Variants in JAKMIP3 observed in about 807,000 individuals in gnomAD.
JAKMIP3 encodes janus kinase and microtubule-interacting protein 3.
A neutral mutation model predicts 118.5 loss-of-function variants in JAKMIP3; 58 were observed. That is an observed-to-expected ratio of 0.49 (90% CI 0.40 to 0.61). The LOEUF (loss-of-function observed/expected upper bound fraction) is 0.61. Ranked by LOEUF, JAKMIP3 falls within the 20% of genes least tolerant of loss-of-function variation. JAKMIP3 has a pLI of 0.00. For synonymous variants in JAKMIP3, 486 were observed against 451.2 expected, an observed-to-expected ratio of 1.08 and a Z score of -0.98; for missense variants, 950 against 1,109.0, an observed-to-expected ratio of 0.86 and a Z score of 2.04.
chr10:132,105,714 G>T (rs978403886), intron 2 of JAKMIP3, among the ~76,000 whole-genome samples: 2 of 152,222 alleles, frequency 1.3e-5, no homozygotes, highest in African/African-American at 4.8e-5. Context: ...GAAGGAGAAG[G>T]CGAGGGAGAG....
chr10:132,038,492 C>T (rs1334887559), intron 1 of JAKMIP3, among the ~76,000 whole-genome samples: 1 of 152,148 alleles, frequency 6.6e-6, no homozygotes, highest in African/African-American at 2.4e-5. Context: ...AAAGAAATAG[C>T]GATGATCAAA....
In JAKMIP3 at chr10:132,099,812, C is replaced by T. The variant is rs575920599; in HGVS notation, c.-137-4860C>T. Among the ~76,000 whole-genome samples the T allele has an allele frequency of 4.8e-4, 73 of 152,318 alleles. 1 individual carries two copies. The South Asian group carries it at 0.013, about 28-fold the overall frequency. On this transcript the variant is annotated intron_variant, in intron 1 of 23. Transcript: ENST00000684848. ...TTGTGGCTCAGGTGCGTGTCACGGA[C>T]GGCACGTTCCTCGGCACCCCAAACC...
chr10:132,102,527 G>A (rs1193643051), intron 1 of JAKMIP3, among the ~76,000 whole-genome samples: 1 of 152,224 alleles, frequency 6.6e-6, no homozygotes, highest in Non-Finnish European at 1.5e-5. Context: ...CCCCATCCAG[G>A]TGGAGGCCGG....
At chr10:132,130,425 G>A (rs572872864) in intron 3 of JAKMIP3, among the ~76,000 whole-genome samples, 15 of 152,356 alleles carry the variant, frequency 9.8e-5, no homozygotes, top group Admixed American at 2.0e-4. Flanking sequence ...AGGCGCATTC[G>A]TGTGCTCACG....
chr10:132,150,129 C>T (rs1265514622), intron 16 of JAKMIP3, 88 bp downstream of exon 16: 2 of 1,077,876 alleles, frequency 1.9e-6, no homozygotes, highest in South Asian at 1.4e-5. Flanking sequence ...CTGCCAGCCT[C>T]CCACAGCCCT....
rs1491470053 is a variant in JAKMIP3 at position 132,048,665 on chromosome 10, TTC to T, written c.-138+11929_-138+11930del. Among the ~76,000 whole-genome samples, 17 of 97,134 alleles carry T rather than the reference TTC, an allele frequency of 1.8e-4. 1 individual carries two copies. In the Admixed American group the frequency reaches 2.0e-3, roughly 12 times the overall value. 63.7% of individuals were successfully genotyped at this position (97,134 alleles called of 152,430 possible). On this transcript the variant is annotated intron_variant, in intron 1 of 23. Coordinates refer to the JAKMIP3 transcript ENST00000657785. ...GAAATTCCAGGCTTGACTGTTTCTTTTCTTTTTTTTTTTTTTTGAGATGGAGT... is the reference window on the plus strand; with the variant it reads ...GAAATTCCAGGCTTGACTGTTTCTTTTTTTTTTTTTTTTTTGAGATGGAGT...
At chr10:132,088,126 G>C (rs12249850) in intron 1 of JAKMIP3, among the ~76,000 whole-genome samples, 38,192 of 151,660 alleles carry the variant, frequency 0.25, 5,096 homozygotes, top group East Asian at 0.41. Context: ...ATTTGGGTTG[G>C]TTCCAAGTCT....
chr10:132,127,449 T>G (rs980115061), intron 3 of JAKMIP3, among the ~76,000 whole-genome samples: 2 of 151,554 alleles, frequency 1.3e-5, no homozygotes, highest in African/African-American at 4.9e-5. Context: ...GAGACGGGGT[T>G]TCACCATGTT....
intron 1 of JAKMIP3, among the ~76,000 whole-genome samples, chr10:132,055,634 G>A (rs1590010837): frequency 6.6e-6 from 1 of 152,316 alleles, no homozygotes; most frequent in South Asian, 2.1e-4. Flanking sequence ...CAGTTGGCAT[G>A]TGCCTCGGTC....
intron 1 of JAKMIP3, among the ~76,000 whole-genome samples, chr10:132,056,556 G>A (rs1038510047): frequency 6.6e-6 from 1 of 152,180 alleles, no homozygotes; most frequent in African/African-American, 2.4e-5. Context: ...AGTGGCCACA[G>A]GATACTAGGG....
chr10:132,180,576 TGTGCGTGC>T lies in JAKMIP3; in HGVS notation c.*1104-1779_*1104-1772del, dbSNP rs1171822499. Among the ~76,000 whole-genome samples, 62 of 19,922 alleles carry T rather than the reference TGTGCGTGC, an allele frequency of 3.1e-3. 14 individuals carry two copies. The highest frequency in any genetic ancestry group is 0.018 in the African/African-American group (57 of 3,122). 13.1% of individuals were successfully genotyped at this position (19,922 alleles called of 152,430 possible). A position where few individuals can be genotyped will look rare whatever the true frequency, so the allele number is the denominator to read the frequency against. ...GTGCATGCGTGTGTGTGCGTGTGTG[TGTGCGTGC>T]GCGTGTGTGTGTGCGTGCGCGTGTG... On this transcript the variant is annotated intron_variant, in intron 23 of 23. Transcript: ENST00000684848.
At chr10:132,152,684 C>T (rs946801755) in intron 16 of JAKMIP3, among the ~76,000 whole-genome samples, 3 of 152,198 alleles carry the variant, frequency 2.0e-5, no homozygotes, top group Non-Finnish European at 4.4e-5. Context: ...GCAGCGCATA[C>T]GCATCTGCCT....
intron 1 of JAKMIP3, among the ~76,000 whole-genome samples, chr10:132,040,269 C>T (rs1208858421): frequency 2.0e-5 from 3 of 152,208 alleles, no homozygotes; most frequent in Non-Finnish European, 4.4e-5. Flanking sequence ...GGACCCTCAC[C>T]AGGAACCAAA....
intron 3 of JAKMIP3, among the ~76,000 whole-genome samples, chr10:132,128,545 C>T (rs116594239): frequency 0.011 from 1,741 of 152,274 alleles, 40 homozygotes; most frequent in African/African-American, 0.039. Context: ...ATGTTAGACA[C>T]TTTGACTATA....
intron 21 of JAKMIP3, 127 bp from the exon 22 acceptor site, chr10:132,166,856 G>A (rs1016573041): frequency 2.1e-5 from 15 of 708,230 alleles, no homozygotes; most frequent in South Asian, 3.7e-5. Flanking sequence ...CCTTAATAGC[G>A]TCCTCTCCTC....
chr10:132,101,217 C>T (rs1007597580), intron 1 of JAKMIP3, among the ~76,000 whole-genome samples: 11 of 152,122 alleles, frequency 7.2e-5, no homozygotes, highest in African/African-American at 2.7e-4. Flanking sequence ...CTATACTTTC[C>T]CTCCTCCAAA....
chr10:132,125,189 C>A (rs1216301229), intron 3 of JAKMIP3, among the ~76,000 whole-genome samples: 1 of 152,216 alleles, frequency 6.6e-6, no homozygotes, highest in African/African-American at 2.4e-5. Context: ...CGCTCAGATG[C>A]CTTATTGTTT....
intron 2 of JAKMIP3, among the ~76,000 whole-genome samples, chr10:132,109,538 C>T (rs1411871803): frequency 6.6e-6 from 1 of 152,194 alleles, no homozygotes; most frequent in African/African-American, 2.4e-5. Context: ...CTGAGAACGA[C>T]AGTGAGGGTC....
At chr10:132,119,811 A>G (rs542266456) in intron 3 of JAKMIP3, among the ~76,000 whole-genome samples, 4 of 152,372 alleles carry the variant, frequency 2.6e-5, no homozygotes, top group Admixed American at 6.5e-5. Flanking sequence ...TGACTGTCAT[A>G]CAAACTCTAC....
Sources: gnomAD v4.1 joint callset for allele counts (sites outside exome capture counted in the v4.1 genomes callset) on GRCh38, gnomAD v4.1.1 for gene constraint, MANE v1.5 for transcripts, NCBI Gene and HGNC (gene_info 2026-07-23, HGNC 2026-07-21) for gene names.